The following ELMO1 variants were observed in gnomAD, a reference collection of about 807,000 sequenced individuals.
The protein encoded by ELMO1 is engulfment and cell motility protein 1.
A neutral mutation model predicts 98.9 loss-of-function variants in ELMO1; 26 were observed. The observed-to-expected ratio is 0.26, with a 90% CI of 0.19 to 0.36. The LOEUF (loss-of-function observed/expected upper bound fraction) is 0.36. Among genes scored for constraint, ELMO1 ranks in the 10% least tolerant of loss-of-function variants. The pLI, the probability that ELMO1 is intolerant of heterozygous loss-of-function variation, is 1.00. For synonymous variants in ELMO1, 346 were observed against 346.0 expected, an observed-to-expected ratio of 1.00 and a Z score of 0.00; for missense variants, 627 against 935.2, an observed-to-expected ratio of 0.67 and a Z score of 4.30.
intron 1 of ELMO1, among the ~76,000 whole-genome samples, chr7:37,434,384 C>T (rs1424935374): frequency 6.6e-6 from 1 of 152,176 alleles, no homozygotes; most frequent in Non-Finnish European, 1.5e-5. Context: ...AACCACAGAA[C>T]TAGGTACTTC....
chr7:37,154,913 G>T (rs1236449488), intron 13 of ELMO1, among the ~76,000 whole-genome samples: 1 of 152,192 alleles, frequency 6.6e-6, no homozygotes, highest in Non-Finnish European at 1.5e-5. Context: ...CAGCCAGAGA[G>T]AAAGGTCAAG....
intron 15 of ELMO1, 152 bp from the exon 16 acceptor site, chr7:37,013,587 A>G (rs1793713908): frequency 1.2e-6 from 1 of 850,456 alleles, no homozygotes; most frequent in African/African-American, 1.7e-5. Context: ...AAAGCAACCA[A>G]AGGATGGCCC....
chr7:37,178,293 T>C (rs982516515), intron 13 of ELMO1, among the ~76,000 whole-genome samples: 17 of 152,002 alleles, frequency 1.1e-4, no homozygotes, highest in Non-Finnish European at 2.5e-4. Context: ...GGAAACGTCT[T>C]ACAAAACCAT....
At chr7:37,379,113 C>T (rs1403794803) in intron 1 of ELMO1, among the ~76,000 whole-genome samples, 1 of 151,992 alleles carries the variant, frequency 6.6e-6, no homozygotes, top group Non-Finnish European at 1.5e-5. Flanking sequence ...GACCTCAGCT[C>T]ACTGCAAGCT....
intron 1 of ELMO1, among the ~76,000 whole-genome samples, chr7:37,345,223 C>G (rs1170559719): frequency 6.6e-6 from 1 of 152,170 alleles, no homozygotes; most frequent in Non-Finnish European, 1.5e-5. Flanking sequence ...TATTGAGCCT[C>G]TGCTCAGTGC....
At position 36,855,539 on chromosome 7, in the gene ELMO1, G is replaced by A. The variant is rs769728173; in HGVS notation, c.*12C>T. 1 of 1,613,708 alleles carries A rather than the reference G, an allele frequency of 6.2e-7. No homozygotes were observed. The highest frequency in any genetic ancestry group is 1.1e-5 in the South Asian group (1 of 91,060). On this transcript the variant is annotated 3_prime_UTR_variant, in exon 22 of 22. Coordinates refer to ENST00000310758, the MANE Select transcript of ELMO1 (RefSeq NM_014800.11). The surrounding 1 kb of genome is among the most constrained non-coding windows in gnomAD (Gnocchi z 4.2). ...TCCAGTTTTGGAAGGGGCATGTCTG[G>A]GCCCGGCCACTTCAGTTACAGTCAT...
intron 19 of ELMO1, among the ~76,000 whole-genome samples, chr7:36,871,972 G>A (rs1803545600): frequency 6.6e-6 from 1 of 152,144 alleles, no homozygotes; most frequent in African/African-American, 2.4e-5. Flanking sequence ...AGGTTCCCCT[G>A]CCATATCTCA....
intron 13 of ELMO1, among the ~76,000 whole-genome samples, chr7:37,149,476 T>A (rs1452792130): frequency 6.6e-6 from 1 of 151,586 alleles, no homozygotes; most frequent in Non-Finnish European, 1.5e-5. Context: ...TTTACATTTT[T>A]AAATAGTTTT....
At chr7:37,198,238 G>A (rs932211097) in intron 13 of ELMO1, among the ~76,000 whole-genome samples, 3 of 152,174 alleles carry the variant, frequency 2.0e-5, no homozygotes, top group African/African-American at 7.2e-5. Context: ...TGCCACTCCT[G>A]ACAATTAACT....
intron 16 of ELMO1, among the ~76,000 whole-genome samples, chr7:36,997,639 G>A (rs548823930): frequency 1.3e-5 from 2 of 152,160 alleles, no homozygotes; most frequent in Non-Finnish European, 2.9e-5. Context: ...TGGACATCCC[G>A]AGTTTGAGGA....
intron 15 of ELMO1, among the ~76,000 whole-genome samples, chr7:37,076,572 C>T (rs990404231): frequency 1.3e-5 from 2 of 152,174 alleles, no homozygotes; most frequent in Non-Finnish European, 2.9e-5. Context: ...AAACCCAAAC[C>T]TCTAGTTAGC....
intron 8 of ELMO1, 71 bp downstream of exon 8, chr7:37,233,024 C>T: frequency 6.2e-6 from 8 of 1,298,236 alleles, no homozygotes; most frequent in Non-Finnish European, 8.6e-6. Context: ...TATGAAACAT[C>T]CTCAAAGCAG....
chr7:37,233,050 A>G (rs1164055982), intron 8 of ELMO1, 45 bp downstream of exon 8: 2 of 1,509,694 alleles, frequency 1.3e-6, no homozygotes, highest in Non-Finnish European at 1.8e-6. Flanking sequence ...AATAGCTATG[A>G]CAGAAGACAG....
chr7:37,222,605 T>C lies in ELMO1; in HGVS notation c.780+10A>G. ...TGACATAGCCATAAGACTAAAGAAA[T>C]GCAACTTACCTGCCTCCTCTCATCA... On this transcript the variant is annotated intron_variant, in intron 10 of 21. Coordinates refer to ENST00000310758, the MANE Select transcript of ELMO1 (RefSeq NM_014800.11). 1 of 1,613,680 alleles carries C rather than the reference T, an allele frequency of 6.2e-7. No homozygotes were observed. The highest frequency in any genetic ancestry group is 8.5e-7 in the Non-Finnish European group (1 of 1,179,678).
intron 7 of ELMO1, 93 bp downstream of exon 7, chr7:37,244,263 C>T: frequency 8.1e-7 from 1 of 1,239,784 alleles, no homozygotes; most frequent in Non-Finnish European, 1.1e-6. Flanking sequence ...ATACTAGATG[C>T]ATAGTTATAC....
chr7:37,167,765 C>G (rs1286121826), intron 13 of ELMO1, among the ~76,000 whole-genome samples: 1 of 151,736 alleles, frequency 6.6e-6, no homozygotes, highest in Non-Finnish European at 1.5e-5. Context: ...TCTGGCTGCC[C>G]TTAACATTTT....
intron 1 of ELMO1, among the ~76,000 whole-genome samples, chr7:37,420,526 T>C (rs1233835714): frequency 6.6e-6 from 1 of 152,200 alleles, no homozygotes; most frequent in Non-Finnish European, 1.5e-5. Flanking sequence ...GATAAACCAG[T>C]GACACTTTCC....
intron 4 of ELMO1, among the ~76,000 whole-genome samples, chr7:37,292,547 G>A (rs1232199841): frequency 0.041 from 3,982 of 96,834 alleles, 276 homozygotes; most frequent in African/African-American, 0.12. Context: ...AGTGAGGAGC[G>A]TCTCTGCCCG....
At chr7:37,126,300 A>AATATATATATATAT (rs201860679) in intron 14 of ELMO1, among the ~76,000 whole-genome samples, 240 of 134,090 alleles carry the variant, frequency 1.8e-3, no homozygotes, top group East Asian at 6.8e-3. Flanking sequence ...GTATAATTTA[A>AATATATATATATAT]ATATATATAT....
Sources: gnomAD v4.1 joint callset for allele counts (sites outside exome capture counted in the v4.1 genomes callset) on GRCh38, gnomAD v4.1.1 for gene constraint, Gnocchi (gnomAD v3.1) non-coding constraint, MANE v1.5 for transcripts, NCBI Gene and HGNC (gene_info 2026-07-23, HGNC 2026-07-21) for gene names.